The following ATRNL1 variants were observed in gnomAD, a reference collection of about 807,000 sequenced individuals.
ATRNL1 encodes the protein attractin like 1.
In ATRNL1, 95 loss-of-function variants were observed where a neutral mutation model predicts 182.7. The ratio of observed to expected loss-of-function variants is 0.52; its 90% CI spans 0.44 to 0.62. ATRNL1 has a LOEUF of 0.62. Among genes scored for constraint, ATRNL1 ranks in the 20% least tolerant of loss-of-function variants. The probability of loss-of-function intolerance (pLI) is 0.00; values close to 1 mark genes in which losing one functional copy is unlikely to be tolerated. For synonymous variants in ATRNL1, 576 were observed against 568.3 expected (o/e 1.01, Z -0.19); for missense variants, 1,471 against 1,679.5 (o/e 0.88, Z 2.17).
chr10:115,179,512 G>T (rs1554887502), intron 8 of ATRNL1, among the ~76,000 whole-genome samples: 1 of 152,114 alleles, frequency 6.6e-6, no homozygotes, highest in African/African-American at 2.4e-5. Flanking sequence ...TCAGGATATT[G>T]CCCTGGTCAT....
chr10:115,942,079 T>G (rs572755684), intron 28 of ATRNL1, among the ~76,000 whole-genome samples: 1 of 152,380 alleles, frequency 6.6e-6, no homozygotes, highest in South Asian at 2.1e-4. Flanking sequence ...TATAATTTTG[T>G]AATTTCTTTC....
chr10:115,739,497 C>T (rs1212920852), intron 27 of ATRNL1, among the ~76,000 whole-genome samples: 1 of 152,206 alleles, frequency 6.6e-6, no homozygotes, highest in East Asian at 1.9e-4. Context: ...CCAAAAATAA[C>T]TGTGCTCAAC....
intron 8 of ATRNL1, among the ~76,000 whole-genome samples, chr10:115,190,925 A>AAATTCAAC (rs2144233113): frequency 6.6e-6 from 1 of 152,150 alleles, no homozygotes; most frequent in South Asian, 2.1e-4. Context: ...TATAGTCCAT[A>AAATTCAAC]AATTCAACAA....
At chr10:115,288,439 T>G (rs1275197005) in intron 15 of ATRNL1, among the ~76,000 whole-genome samples, 4 of 152,176 alleles carry the variant, frequency 2.6e-5, no homozygotes, top group African/African-American at 4.8e-5. Flanking sequence ...TAGCTCGTTG[T>G]GGTTTTTATT....
chr10:115,364,569 G>C (rs1554945307), intron 19 of ATRNL1, among the ~76,000 whole-genome samples: 1 of 148,214 alleles, frequency 6.7e-6, no homozygotes, highest in Non-Finnish European at 1.5e-5. Context: ...GAATAGGAGT[G>C]GTGAGAGAGG....
intron 25 of ATRNL1, among the ~76,000 whole-genome samples, chr10:115,537,321 T>A (rs1554990781): frequency 3.3e-5 from 5 of 152,152 alleles, no homozygotes. Context: ...TAAATATTGC[T>A]TTACACCTCA....
chr10:115,809,443 A>T (rs2134252756), intron 27 of ATRNL1, among the ~76,000 whole-genome samples: 1 of 152,144 alleles, frequency 6.6e-6, no homozygotes, highest in South Asian at 2.1e-4. Context: ...GTCTCTTCTA[A>T]GCTACAAGTT....
intron 26 of ATRNL1, among the ~76,000 whole-genome samples, chr10:115,551,680 T>G (rs1264508948): frequency 2.0e-5 from 3 of 151,702 alleles, no homozygotes; most frequent in East Asian, 1.9e-4. Context: ...TTAATTTTAC[T>G]AAATTCCTTT....
At chr10:115,528,269 T>C (rs987770366) in intron 25 of ATRNL1, among the ~76,000 whole-genome samples, 1 of 152,054 alleles carries the variant, frequency 6.6e-6, no homozygotes, top group African/African-American at 2.4e-5. Flanking sequence ...GCTTCTTTGT[T>C]GTGGTATATT....
At chr10:115,417,071 G>A (rs1845425003) in intron 20 of ATRNL1, among the ~76,000 whole-genome samples, 1 of 152,178 alleles carries the variant, frequency 6.6e-6, no homozygotes, top group East Asian at 1.9e-4. Context: ...GGGTTGTTTT[G>A]AGAATGCAGA....
At chr10:115,389,380 G>T (rs1843846772) in intron 19 of ATRNL1, among the ~76,000 whole-genome samples, 1 of 150,724 alleles carries the variant, frequency 6.6e-6, no homozygotes, top group Non-Finnish European at 1.5e-5. Context: ...ATTAGTGGTG[G>T]TGGGTGCTTG....
At chr10:115,665,501 C>T (rs1201225487) in intron 26 of ATRNL1, among the ~76,000 whole-genome samples, 4 of 151,520 alleles carry the variant, frequency 2.6e-5, no homozygotes, top group Non-Finnish European at 5.9e-5. Context: ...AGGAGGAAGA[C>T]GAGAGGGAAG....
chr10:115,501,079 C>G (rs536052286), intron 24 of ATRNL1, among the ~76,000 whole-genome samples: 161 of 151,774 alleles, frequency 1.1e-3, no homozygotes, highest in Non-Finnish European at 1.9e-3. Context: ...ATTACAGGCA[C>G]CCACCACCAT....
intron 27 of ATRNL1, among the ~76,000 whole-genome samples, chr10:115,792,112 A>G (rs1949544516): frequency 3.3e-5 from 5 of 152,138 alleles, no homozygotes. Context: ...TGTTTTGATA[A>G]TGTGCTCAAT....
At chr10:115,888,473 G>C (rs782717166) in intron 28 of ATRNL1, among the ~76,000 whole-genome samples, 1 of 152,120 alleles carries the variant, frequency 6.6e-6, no homozygotes, top group Non-Finnish European at 1.5e-5. Flanking sequence ...CTCTTCATGA[G>C]TGGTTCTTCC....
chr10:115,127,705 T>C lies in ATRNL1; in HGVS notation c.604T>C (p.Phe202Leu). 1 of 1,458,716 alleles carries C rather than the reference T, an allele frequency of 6.9e-7. No individual in the cohort carries two copies. Among genetic ancestry groups the C allele is most frequent in the South Asian group, 1.5e-5 (1 of 68,880 alleles). The allele number at this position is 1,458,716 out of a possible 1,614,324, so 90.4% of individuals were successfully genotyped here. A position where few individuals can be genotyped will look rare whatever the true frequency, so the allele number is the denominator to read the frequency against. ...FSDAAYNLTG[F>L]NIFYSINSCP... ...TGATGCTGCGTATAATCTAACTGGT[T>C]TCAACATTTTCTATTCGTAAGTATT... Residue 202 changes from phenylalanine (F) to leucine (L), a missense_variant, in exon 4 of 29, where the codon TTC becomes CTC. This residue lies in a region of ATRNL1 where 1,031 missense variants were observed against 1,156.0 expected (regional missense o/e 0.89). Coordinates refer to ENST00000355044, the MANE Select transcript of ATRNL1 (RefSeq NM_207303.4).
At chr10:115,258,593 C>G (rs1554907741) in intron 10 of ATRNL1, among the ~76,000 whole-genome samples, 1 of 151,954 alleles carries the variant, frequency 6.6e-6, no homozygotes, top group African/African-American at 2.4e-5. Context: ...TTGTTATTAC[C>G]TACCTTCTGA....
intron 26 of ATRNL1, among the ~76,000 whole-genome samples, chr10:115,577,480 T>A (rs1854787687): frequency 6.6e-6 from 1 of 151,856 alleles, no homozygotes; most frequent in African/African-American, 2.4e-5. Flanking sequence ...TTCTTTTTGA[T>A]GACAATATAA....
chr10:115,327,923 T>G (rs1364862431), intron 18 of ATRNL1, among the ~76,000 whole-genome samples: 2 of 145,312 alleles, frequency 1.4e-5, no homozygotes, highest in Admixed American at 1.4e-4. Flanking sequence ...CATCACACTC[T>G]GGGGACTGTT....
Sources: allele counts gnomAD v4.1 joint callset (sites outside exome capture counted in the v4.1 genomes callset), GRCh38; gene constraint gnomAD v4.1.1; regional missense constraint gnomAD v4.1.1; transcripts MANE v1.5; gene names NCBI Gene and HGNC (gene_info 2026-07-23, HGNC 2026-07-21).